Variants in PRIM2 observed in about 807,000 individuals in gnomAD.
PRIM2 encodes the protein DNA primase large subunit.
Under a neutral mutation model 67.3 loss-of-function variants are expected in PRIM2, and 39 were observed. That is an observed-to-expected ratio of 0.58 (90% CI 0.45 to 0.76). PRIM2 has a LOEUF of 0.76. PRIM2 is among the 30% of genes least tolerant of loss of function. The pLI, the probability that PRIM2 is intolerant of heterozygous loss-of-function variation, is 0.00. For synonymous variants in PRIM2, 143 were observed against 198.7 expected, an observed-to-expected ratio of 0.72 and a Z score of 2.36; for missense variants, 398 against 598.7, an observed-to-expected ratio of 0.66 and a Z score of 3.50.
chr6:57,295,046 A>T, the PRIM2 span, among the ~76,000 whole-genome samples: 1 of 152,022 alleles, frequency 6.6e-6, no homozygotes, highest in Non-Finnish European at 1.5e-5. Context: ...TGACTTCAGC[A>T]TCCCAAAATG....
intron 12 of PRIM2, among the ~76,000 whole-genome samples, chr6:57,631,019 A>G (rs1777030328): frequency 6.6e-6 from 1 of 152,222 alleles, no homozygotes; most frequent in Non-Finnish European, 1.5e-5. Flanking sequence ...ATGATTTAAT[A>G]AAAGGTGACA....
At chr6:57,271,842 G>T in the PRIM2 span, among the ~76,000 whole-genome samples, 1 of 152,070 alleles carries the variant, frequency 6.6e-6, no homozygotes, top group Non-Finnish European at 1.5e-5. Context: ...TGTTCTCATT[G>T]GTTTCAAAGA....
At position 57,645,986 on chromosome 6, in the gene PRIM2, G is replaced by A. The variant is rs1439023036; in HGVS notation, c.1358G>A (p.Arg453His). ...AATCAGTTCTTTTGTGAGAGCCAAC[G>A]TATTCTAAATGGTGGTAAAGACATA... ...HPNQFFCESQ[R>H]ILNGGKDIKK... Residue 453 changes from arginine (R) to histidine (H), a missense_variant, in exon 14 of 14, where the codon CGT becomes CAT. Arg to His is a conservative substitution (Grantham distance 29, BLOSUM62 0). Transcript: ENST00000615550. The A allele has an allele frequency of 6.1e-5, 98 of 1,607,230 alleles. No individual in the cohort carries two copies. Among genetic ancestry groups the A allele is most frequent in the Non-Finnish European group, 6.8e-5 (80 of 1,173,958 alleles).
At chr6:57,407,884 C>A (rs1276503642) in intron 7 of PRIM2, among the ~76,000 whole-genome samples, 5 of 152,140 alleles carry the variant, frequency 3.3e-5, no homozygotes, top group Non-Finnish European at 5.9e-5. Flanking sequence ...TATATGTGTT[C>A]TCAATTTAAC....
intron 8 of PRIM2, among the ~76,000 whole-genome samples, chr6:57,515,051 G>A (rs1442235986): frequency 2.0e-5 from 3 of 152,110 alleles, no homozygotes; most frequent in Non-Finnish European, 4.4e-5. Context: ...CCTCCCTAAT[G>A]CAACCAACAC....
At chr6:57,457,345 G>T (rs1343766898) in intron 7 of PRIM2, among the ~76,000 whole-genome samples, 2 of 152,224 alleles carry the variant, frequency 1.3e-5, no homozygotes, top group Non-Finnish European at 2.9e-5. Flanking sequence ...GTCTGCAGAG[G>T]ATTCTGCTGC....
intron 5 of PRIM2, among the ~76,000 whole-genome samples, chr6:57,330,828 A>G (rs764850964): frequency 6.6e-6 from 1 of 151,880 alleles, no homozygotes; most frequent in Non-Finnish European, 1.5e-5. Context: ...AGGATGTTGT[A>G]TTTTGTCAGT....
intron 5 of PRIM2, among the ~76,000 whole-genome samples, chr6:57,336,235 G>A (rs1195151519): frequency 3.3e-5 from 5 of 152,314 alleles, no homozygotes; most frequent in Non-Finnish European, 7.3e-5. Flanking sequence ...GCGTCTGATT[G>A]GTGTACCTGA....
intron 4 of PRIM2, 175 bp from the exon 5 acceptor site, chr6:57,325,750 G>A (rs1767829239): frequency 1.1e-5 from 2 of 184,244 alleles, no homozygotes; most frequent in Admixed American, 1.3e-4. Context: ...CCCATCCTTA[G>A]AAGATTGTGA....
chr6:57,476,806 G>T (rs1581941881), intron 7 of PRIM2, among the ~76,000 whole-genome samples: 1 of 151,786 alleles, frequency 6.6e-6, no homozygotes, highest in East Asian at 1.9e-4. Context: ...GGAGTGCAAT[G>T]GTGCGATCTC....
intron 7 of PRIM2, among the ~76,000 whole-genome samples, chr6:57,385,916 A>G (rs1581851226): frequency 6.6e-6 from 1 of 150,742 alleles, no homozygotes; most frequent in African/African-American, 2.5e-5. Flanking sequence ...TATTGTTGAT[A>G]GGCATTTGGC....
the PRIM2 span, among the ~76,000 whole-genome samples, chr6:57,271,665 G>A: frequency 6.6e-6 from 1 of 152,076 alleles, no homozygotes; most frequent in African/African-American, 2.4e-5. Context: ...CTTGCCTTCT[G>A]CTGGCTTTTG....
the PRIM2 span, among the ~76,000 whole-genome samples, chr6:57,239,916 C>A: frequency 2.0e-5 from 3 of 152,134 alleles, no homozygotes; most frequent in East Asian, 5.8e-4. Context: ...CAATGTTATG[C>A]ACCATGCTAA....
intron 7 of PRIM2, among the ~76,000 whole-genome samples, chr6:57,431,349 A>C (rs5002586): frequency 6.6e-6 from 1 of 152,064 alleles, no homozygotes; most frequent in South Asian, 2.1e-4. Flanking sequence ...GTGTCCTGAC[A>C]TGCTTTTAAA....
chr6:57,536,990 A>G (rs1296791627), intron 9 of PRIM2, among the ~76,000 whole-genome samples: 2 of 152,192 alleles, frequency 1.3e-5, no homozygotes, highest in East Asian at 1.9e-4. Context: ...CATGAGTACA[A>G]CTGAGGAAAC....
the PRIM2 span, among the ~76,000 whole-genome samples, chr6:57,240,018 T>G: frequency 6.6e-6 from 1 of 151,628 alleles, no homozygotes; most frequent in African/African-American, 2.4e-5. Flanking sequence ...AAGAACATAA[T>G]TATAAGTACT....
At chr6:57,378,235 A>ATTTTTT (rs1046851698) in intron 5 of PRIM2, among the ~76,000 whole-genome samples, 1 of 146,246 alleles carries the variant, frequency 6.8e-6, no homozygotes, top group Non-Finnish European at 1.5e-5. Flanking sequence ...TAATGTTTTA[A>ATTTTTT]TTTTTTTTTT....
At chr6:57,490,378 GTATGT>G (rs1773861776) in intron 7 of PRIM2, among the ~76,000 whole-genome samples, 1 of 152,000 alleles carries the variant, frequency 6.6e-6, no homozygotes, top group African/African-American at 2.4e-5. Flanking sequence ...TTTTTTTCAT[GTATGT>G]TTCTAGACCT....
At chr6:57,264,207 G>C in the PRIM2 span, among the ~76,000 whole-genome samples, 2 of 151,972 alleles carry the variant, frequency 1.3e-5, no homozygotes, top group African/African-American at 2.4e-5. Context: ...TCCTAATGAT[G>C]TCCTTAGTGA....
Sources: allele counts gnomAD v4.1 joint callset (sites outside exome capture counted in the v4.1 genomes callset), GRCh38; gene constraint gnomAD v4.1.1; transcripts MANE v1.5; gene names NCBI Gene and HGNC (gene_info 2026-07-23, HGNC 2026-07-21).